CDH19: variants seen among roughly 807,000 people sequenced by gnomAD.
The protein encoded by CDH19 is cadherin 19.
A neutral mutation model predicts 64.2 loss-of-function variants in CDH19; 67 were observed. That is an observed-to-expected ratio of 1.04 (90% CI 0.86 to 1.28). The LOEUF (loss-of-function observed/expected upper bound fraction) is 1.28, where lower values mean the gene tolerates loss of function less well. CDH19 is among the 50% of genes most tolerant of loss of function. The probability of loss-of-function intolerance (pLI) is 0.00; values close to 1 mark genes in which losing one functional copy is unlikely to be tolerated. For synonymous variants in CDH19, 346 were observed against 319.3 expected, an observed-to-expected ratio of 1.08 and a Z score of -0.89; for missense variants, 1,030 against 929.0, an observed-to-expected ratio of 1.11 and a Z score of -1.41.
At chr18:66,559,502 C>T (rs1187047861) in intron 3 of CDH19, among the ~76,000 whole-genome samples, 1 of 151,196 alleles carries the variant, frequency 6.6e-6, no homozygotes, top group African/African-American at 2.4e-5. Flanking sequence ...CATTTATAGA[C>T]AGGTAGATAA....
chr18:66,536,488 T>A lies in CDH19; in HGVS notation c.1215-1381A>T, dbSNP rs530040603. 1.9e-4 allele frequency among the ~76,000 whole-genome samples: 29 copies of A among 151,962 alleles called. No homozygotes were observed. The South Asian group carries it at 6.0e-3, about 31-fold the overall frequency. ...AACAGTTGTTATTTTGAATTAAACA[T>A]CTAATCCTATTTCTGTAAAATGTCA... On this transcript the variant is annotated intron_variant, in intron 7 of 11. Coordinates refer to ENST00000262150, the MANE Select transcript of CDH19 (RefSeq NM_021153.4).
In CDH19 at chr18:66,502,933, ACTTT is replaced by A. The variant is rs1454804945; in HGVS notation, c.*1875_*1878del. ...GGTGCCTGTTTCAGATTGATGAAAA[ACTTT>A]CTTTATTATGTGATATAGATGTTTA... On this transcript the variant is annotated 3_prime_UTR_variant, in exon 12 of 12. Coordinates refer to ENST00000262150, the MANE Select transcript of CDH19 (RefSeq NM_021153.4). 3.3e-5 allele frequency: 5 copies of A among 152,004 alleles called. No homozygotes were observed. The highest frequency in any genetic ancestry group is 3.9e-4 in the East Asian group (2 of 5,176). The allele number at this position is 152,004 out of a possible 1,614,324, so 9.4% of individuals were successfully genotyped here.
intron 3 of CDH19, among the ~76,000 whole-genome samples, chr18:66,562,397 G>A (rs1487015757): frequency 1.3e-5 from 2 of 151,920 alleles, no homozygotes; most frequent in Non-Finnish European, 2.9e-5. Flanking sequence ...TCACAATAGG[G>A]TTTGCAATCC....
At chr18:66,555,892 C>T (rs554183480) in intron 3 of CDH19, among the ~76,000 whole-genome samples, 1 of 151,804 alleles carries the variant, frequency 6.6e-6, no homozygotes, top group South Asian at 2.1e-4. Flanking sequence ...GGTTCCCATC[C>T]CTGGTTTCTA....
At chr18:66,556,126 T>C (rs536523968) in intron 3 of CDH19, among the ~76,000 whole-genome samples, 3 of 151,622 alleles carry the variant, frequency 2.0e-5, no homozygotes, top group African/African-American at 7.3e-5. Flanking sequence ...TCCAGTCCAG[T>C]TTTTTTAGCA....
At chr18:66,540,895 T>C (rs1189170944) in intron 7 of CDH19, among the ~76,000 whole-genome samples, 1 of 152,182 alleles carries the variant, frequency 6.6e-6, no homozygotes, top group Non-Finnish European at 1.5e-5. Flanking sequence ...TAATTTCTTA[T>C]GAAGTTCTTA....
chr18:66,566,280 CTTTT>C (rs34978720), intron 3 of CDH19, among the ~76,000 whole-genome samples: 1 of 120,786 alleles, frequency 8.3e-6, no homozygotes, highest in Non-Finnish European at 1.8e-5. Flanking sequence ...ATGACCCTTT[CTTTT>C]TTTTTTTTTT....
At chr18:66,505,943 A>G (rs1985178991) in intron 11 of CDH19, among the ~76,000 whole-genome samples, 1 of 152,102 alleles carries the variant, frequency 6.6e-6, no homozygotes, top group South Asian at 2.1e-4. Flanking sequence ...GTTAAATGAC[A>G]TTGCTAGAAA....
At chr18:66,521,132 A>T (rs945104566) in intron 9 of CDH19, among the ~76,000 whole-genome samples, 3 of 152,124 alleles carry the variant, frequency 2.0e-5, no homozygotes, top group Non-Finnish European at 2.9e-5. Flanking sequence ...CAGTTTACTA[A>T]AAATGTTCAC....
chr18:66,539,669 TTATTG>T (rs765082240), intron 7 of CDH19, among the ~76,000 whole-genome samples: 80 of 152,226 alleles, frequency 5.3e-4, no homozygotes, highest in Non-Finnish European at 9.4e-4. Flanking sequence ...CAAATTACTA[TTATTG>T]TAAAGAATTT....
intron 1 of CDH19, among the ~76,000 whole-genome samples, chr18:66,586,180 A>G (rs543116727): frequency 9.2e-5 from 14 of 152,248 alleles, no homozygotes; most frequent in African/African-American, 2.4e-4. Flanking sequence ...GGCAATTAAT[A>G]TAATGTCTCC....
At chr18:66,556,838 G>A (rs1185626546) in intron 3 of CDH19, among the ~76,000 whole-genome samples, 1 of 151,868 alleles carries the variant, frequency 6.6e-6, no homozygotes, top group African/African-American at 2.4e-5. Flanking sequence ...TAATCATCAT[G>A]AAAATGCAAA....
intron 3 of CDH19, among the ~76,000 whole-genome samples, chr18:66,564,745 C>A (rs770591634): frequency 4.6e-5 from 7 of 151,962 alleles, no homozygotes; most frequent in Admixed American, 6.6e-5. Flanking sequence ...ATGTGACTGG[C>A]TAAAGCATGT....
intron 9 of CDH19, among the ~76,000 whole-genome samples, chr18:66,522,995 GA>G (rs1034735404): frequency 5.3e-5 from 8 of 151,332 alleles, no homozygotes; most frequent in African/African-American, 1.5e-4. Flanking sequence ...AAAAATAGTT[GA>G]AAAAAATAAA....
intron 7 of CDH19, among the ~76,000 whole-genome samples, chr18:66,543,451 G>C (rs970484367): frequency 1.1e-4 from 17 of 152,054 alleles, no homozygotes; most frequent in African/African-American, 4.1e-4. Context: ...ATTTTAATTG[G>C]TAATTGCCTC....
chr18:66,527,808 A>G (rs902287786), intron 9 of CDH19, among the ~76,000 whole-genome samples: 2 of 152,028 alleles, frequency 1.3e-5, no homozygotes, highest in African/African-American at 4.8e-5. Flanking sequence ...ACCACATGGG[A>G]CATTTACAGA....
At position 66,572,047 on chromosome 18, in the gene CDH19, G is replaced by A; in HGVS notation, c.158C>T (p.Pro53Leu). ...RGWVWNQFFV[P>L]EEMNTTSHHI... ...ATGACTAGTCGTATTCATTTCCTCT[G>A]GTACAAAAAATTGGTTCCACACCCA... Residue 53 changes from proline to leucine, a missense_variant, in exon 2 of 12, where the codon CCA becomes CTA. Coordinates refer to ENST00000262150, the MANE Select transcript of CDH19 (RefSeq NM_021153.4). The A allele has an allele frequency of 1.2e-6, 2 of 1,610,948 alleles. No homozygotes were observed. The highest frequency in any genetic ancestry group is 1.7e-6 in the Non-Finnish European group (2 of 1,178,052).
chr18:66,588,510 A>C (rs1465129171), intron 1 of CDH19, among the ~76,000 whole-genome samples: 2 of 151,254 alleles, frequency 1.3e-5, no homozygotes, highest in African/African-American at 2.4e-5. Flanking sequence ...TTTTGCCAAC[A>C]TTCATTTCTT....
rs1338547896 is a variant in CDH19 at position 66,580,933 on chromosome 18, G to GGCAGCTGTCA, written c.-112-8627_-112-8618dup. ...GCTCCACTTCTGATTGAAGACTGGTGGCAGCTGTCAGCATTGCTAGACTGA... is the reference window on the plus strand; with the variant it reads ...GCTCCACTTCTGATTGAAGACTGGTGGCAGCTGTCAGCAGCTGTCAGCATTGCTAGACTGA... On this transcript the variant is annotated intron_variant, in intron 1 of 11. Transcript: ENST00000262150. 2.0e-5 allele frequency among the ~76,000 whole-genome samples: 3 copies of GGCAGCTGTCA among 152,036 alleles called. No individual in the cohort carries two copies. In the East Asian group the frequency reaches 5.8e-4, roughly 29 times the overall value.
Sources: allele counts gnomAD v4.1 joint callset (sites outside exome capture counted in the v4.1 genomes callset), GRCh38; gene constraint gnomAD v4.1.1; transcripts MANE v1.5; gene names NCBI Gene and HGNC (gene_info 2026-07-23, HGNC 2026-07-21).